IQCM: variants seen among roughly 807,000 people sequenced by gnomAD.
The protein encoded by IQCM is IQ domain-containing protein M.
IQCM carries 45 observed loss-of-function variants against 57.6 expected under a neutral mutation model. That is an observed-to-expected ratio of 0.78 (90% CI 0.62 to 1.00). The LOEUF is 1.00. Among genes scored for constraint, IQCM ranks in the 50% least tolerant of loss-of-function variants. The pLI, the probability that IQCM is intolerant of heterozygous loss-of-function variation, is 0.00. For synonymous variants in IQCM, 148 were observed against 158.9 expected (o/e 0.93, Z 0.51); for missense variants, 468 against 511.6 (o/e 0.91, Z 0.82).
At chr4:149,732,031 CCTCCTCACTTAG>C (rs964200373) in intron 5 of IQCM, among the ~76,000 whole-genome samples, 13 of 152,058 alleles carry the variant, frequency 8.5e-5, no homozygotes, top group African/African-American at 3.1e-4. Flanking sequence ...ACCTGGACAG[CCTCCTCACTTAG>C]CTCTCTGTCA....
At chr4:149,467,815 A>G (rs953029067) in intron 12 of IQCM, among the ~76,000 whole-genome samples, 2 of 152,112 alleles carry the variant, frequency 1.3e-5, no homozygotes, top group African/African-American at 4.8e-5. Context: ...TTCCAACTTC[A>G]TTATTCTTCT....
At chr4:149,806,511 A>C (rs1774090796) in intron 2 of IQCM, among the ~76,000 whole-genome samples, 1 of 152,042 alleles carries the variant, frequency 6.6e-6, no homozygotes, top group East Asian at 1.9e-4. Flanking sequence ...TTTGGTAACC[A>C]GCATTCTGCT....
intron 2 of IQCM, among the ~76,000 whole-genome samples, chr4:149,811,508 G>A (rs989525672): frequency 2.0e-5 from 3 of 152,028 alleles, no homozygotes; most frequent in African/African-American, 7.2e-5. Context: ...CAATATTAAC[G>A]TAAAAGCTTT....
intron 12 of IQCM, among the ~76,000 whole-genome samples, chr4:149,457,132 AT>A (rs905713835): frequency 1.3e-5 from 2 of 152,012 alleles, no homozygotes; most frequent in African/African-American, 2.4e-5. Context: ...CCAATCATTT[AT>A]TTTTTTCTTA....
chr4:149,671,731 A>T (rs1761305661), intron 7 of IQCM, among the ~76,000 whole-genome samples: 2 of 152,054 alleles, frequency 1.3e-5, no homozygotes, highest in Non-Finnish European at 2.9e-5. Context: ...TCATTTCGTT[A>T]TGTACCCAGT....
At chr4:149,794,791 A>G (rs1023620977) in intron 2 of IQCM, among the ~76,000 whole-genome samples, 1 of 152,170 alleles carries the variant, frequency 6.6e-6, no homozygotes, top group Admixed American at 6.5e-5. Flanking sequence ...TAGTAAATTT[A>G]AAAGATAGAT....
At chr4:149,620,628 A>G (rs1388858703) in intron 8 of IQCM, among the ~76,000 whole-genome samples, 1 of 152,254 alleles carries the variant, frequency 6.6e-6, no homozygotes, top group Non-Finnish European at 1.5e-5. Context: ...TGAGAAATAA[A>G]TGAATTTAAA....
intron 13 of IQCM, among the ~76,000 whole-genome samples, chr4:149,355,294 C>T (rs900827302): frequency 1.3e-5 from 2 of 151,766 alleles, no homozygotes; most frequent in African/African-American, 2.4e-5. Context: ...ACAGAACGTG[C>T]AGGTTTGTTA....
chr4:149,385,055 G>T (rs1398156136), intron 13 of IQCM, among the ~76,000 whole-genome samples: 2 of 152,028 alleles, frequency 1.3e-5, no homozygotes, highest in Non-Finnish European at 1.5e-5. Flanking sequence ...GGAGAGTTGA[G>T]GGGTGGGATT....
intron 5 of IQCM, chr4:149,711,031 C>T (rs1764522383): frequency 6.6e-6 from 1 of 152,118 alleles, no homozygotes; most frequent in Non-Finnish European, 1.5e-5. Context: ...TACTCAATTG[C>T]TACAGGATAT....
intron 7 of IQCM, among the ~76,000 whole-genome samples, chr4:149,650,404 G>GTTT (rs35846638): frequency 7.5e-6 from 1 of 132,576 alleles, no homozygotes; most frequent in Non-Finnish European, 1.6e-5. Context: ...TAATTTCTGG[G>GTTT]TTTTTTTTTT....
At chr4:149,634,247 G>T (rs1021759017) in intron 7 of IQCM, among the ~76,000 whole-genome samples, 1 of 152,056 alleles carries the variant, frequency 6.6e-6, no homozygotes, top group Admixed American at 6.6e-5. Flanking sequence ...AAACTCAAGT[G>T]ATCTGCCCAC....
Position 149,562,352 on chromosome 4 carries a change from C to T in IQCM, c.948+1340G>A, listed in dbSNP as rs1750206531. On this transcript the variant is annotated intron_variant, in intron 10 of 13. Transcript: ENST00000636793. ...CAAAGAAGAGCAGTTCAACAAATGT[C>T]ATGAAAGTGGAACCAGTTGAATATG... Among the ~76,000 whole-genome samples, 4 of 152,246 alleles carry T rather than the reference C, an allele frequency of 2.6e-5. No homozygotes were observed. The South Asian group carries it at 8.3e-4, about 32-fold the overall frequency.
At position 149,677,985 on chromosome 4, in the gene IQCM, G is replaced by T. The variant is rs565219919; in HGVS notation, c.565+4133C>A. Among the ~76,000 whole-genome samples, 17 of 151,374 alleles carry T rather than the reference G, an allele frequency of 1.1e-4. No homozygotes were observed. The South Asian group carries it at 3.5e-3, about 32-fold the overall frequency. ...AGACTATTTGAAAATACATGGAGAA[G>T]AAAAAGAAAAAAGAATGAAAAGCAA... is the stretch of plus-strand genomic sequence containing the variant. On this transcript the variant is annotated intron_variant, in intron 7 of 13. Transcript: ENST00000636793.
chr4:149,766,199 C>T (rs945899625), intron 2 of IQCM, among the ~76,000 whole-genome samples: 2 of 152,104 alleles, frequency 1.3e-5, no homozygotes, highest in Non-Finnish European at 2.9e-5. Context: ...GCCCCATCTA[C>T]AGACAAAATG....
chr4:149,792,919 C>T (rs1310738316), intron 2 of IQCM, among the ~76,000 whole-genome samples: 5 of 152,078 alleles, frequency 3.3e-5, no homozygotes, highest in African/African-American at 1.2e-4. Flanking sequence ...CAGGTTCTAC[C>T]GTAGACCCCA....
intron 12 of IQCM, among the ~76,000 whole-genome samples, chr4:149,477,891 G>A (rs1740370696): frequency 6.6e-6 from 1 of 152,146 alleles, no homozygotes; most frequent in Non-Finnish European, 1.5e-5. Context: ...GAAAGGTCTT[G>A]TACAGGAAGG....
intron 2 of IQCM, among the ~76,000 whole-genome samples, chr4:149,759,007 T>C (rs1231183056): frequency 1.3e-5 from 2 of 152,138 alleles, no homozygotes; most frequent in East Asian, 3.8e-4. Flanking sequence ...TGAATGTTCA[T>C]AGTAGCTTTA....
intron 12 of IQCM, among the ~76,000 whole-genome samples, chr4:149,458,268 A>T (rs549742067): frequency 1.3e-5 from 2 of 152,186 alleles, no homozygotes; most frequent in South Asian, 4.1e-4. Flanking sequence ...ACACCAACAA[A>T]GAATGTAAAA....
Sources: gnomAD v4.1 joint callset for allele counts (sites outside exome capture counted in the v4.1 genomes callset) on GRCh38, gnomAD v4.1.1 for gene constraint, MANE v1.5 for transcripts, NCBI Gene and HGNC (gene_info 2026-07-23, HGNC 2026-07-21) for gene names.